Variants in STK24 observed in about 807,000 individuals in gnomAD.
The protein encoded by STK24 is serine/threonine-protein kinase 24.
STK24 carries 21 observed loss-of-function variants against 55.6 expected under a neutral mutation model. The ratio of observed to expected loss-of-function variants is 0.38; its 90% CI spans 0.27 to 0.54. STK24 has a LOEUF of 0.54. Among genes scored for constraint, STK24 ranks in the 20% least tolerant of loss-of-function variants. The probability of loss-of-function intolerance (pLI) is 0.79; values close to 1 mark genes in which losing one functional copy is unlikely to be tolerated. For missense variants in STK24, 383 were observed against 538.4 expected, an observed-to-expected ratio of 0.71 and a Z score of 2.86; for synonymous variants, 200 against 215.2, an observed-to-expected ratio of 0.93 and a Z score of 0.62.
At chr13:98,510,054 T>C (rs183259073) in intron 2 of STK24, among the ~76,000 whole-genome samples, 2 of 152,330 alleles carry the variant, frequency 1.3e-5, no homozygotes, top group East Asian at 1.9e-4. Context: ...CTAAAATATA[T>C]GTTTGAACTT....
At position 98,575,434 on chromosome 13, in the gene STK24, C is replaced by T. The variant is rs1048578080; in HGVS notation, c.42+1311G>A. Among the ~76,000 whole-genome samples the T allele has an allele frequency of 4.4e-4, 64 of 145,466 alleles. 1 individual carries two copies. The highest frequency in any genetic ancestry group is 2.9e-4 in the Non-Finnish European group (19 of 65,172). ...ACACACACACACACACACACATATACACACACACACACTTGGACTAAAATT... is the reference window on the plus strand; with the variant it reads ...ACACACACACACACACACACATATATACACACACACACTTGGACTAAAATT... On this transcript the variant is annotated intron_variant, in intron 1 of 10. Transcript: ENST00000539966.
chr13:98,457,020 G>T, intron 10 of STK24, 148 bp downstream of exon 10: 1 of 951,504 alleles, frequency 1.1e-6, no homozygotes, highest in Non-Finnish European at 1.5e-6. Flanking sequence ...TCAGAACAAA[G>T]TCTCCTCTAA....
At chr13:98,500,511 A>C (rs1404172042) in intron 2 of STK24, among the ~76,000 whole-genome samples, 4 of 152,218 alleles carry the variant, frequency 2.6e-5, no homozygotes, top group African/African-American at 9.7e-5. Flanking sequence ...CTGTAACAGA[A>C]ACCTGCTAAA....
chr13:98,520,518 G>A (rs1218657547), intron 1 of STK24, among the ~76,000 whole-genome samples: 1 of 152,222 alleles, frequency 6.6e-6, no homozygotes, highest in Non-Finnish European at 1.5e-5. Context: ...ACAAGCACAG[G>A]GAGGAGAGGG....
chr13:98,550,291 C>A (rs990793150), intron 1 of STK24, among the ~76,000 whole-genome samples: 2 of 152,196 alleles, frequency 1.3e-5, no homozygotes, highest in Admixed American at 6.5e-5. Flanking sequence ...ATAATCCCAG[C>A]ACTTTGGGAG....
chr13:98,565,609 G>A (rs1334428670), intron 1 of STK24, among the ~76,000 whole-genome samples: 2 of 146,880 alleles, frequency 1.4e-5, no homozygotes, highest in Non-Finnish European at 3.0e-5. Context: ...TCCAGTCTGG[G>A]CACGAGAATG....
chr13:98,480,820 C>G (rs914735427), intron 3 of STK24, among the ~76,000 whole-genome samples: 2 of 152,360 alleles, frequency 1.3e-5, no homozygotes, highest in Admixed American at 6.5e-5. Context: ...AACTTCTGGG[C>G]TCAAGTGATC....
At chr13:98,542,380 AAACAACAAC>A (rs200407581) in intron 1 of STK24, among the ~76,000 whole-genome samples, 1 of 151,802 alleles carries the variant, frequency 6.6e-6, no homozygotes, top group Non-Finnish European at 1.5e-5. Context: ...TCCTATGCAC[AAACAACAAC>A]AACAACAACA....
chr13:98,535,431 ACACACG>A (rs1333683276), intron 1 of STK24, among the ~76,000 whole-genome samples: 1 of 115,694 alleles, frequency 8.6e-6, no homozygotes, highest in African/African-American at 3.1e-5. Context: ...ACACACACAC[ACACACG>A]CAATGCATTC....
In STK24 at chr13:98,448,067, G is replaced by GT. The variant is rs1892967120; in HGVS notation, c.*5105dup. 6.2e-6 allele frequency: 4 copies of GT among 647,194 alleles called. No homozygotes were observed. Among genetic ancestry groups the GT allele is most frequent in the Non-Finnish European group, 8.5e-6 (3 of 354,492 alleles). 40.1% of individuals were successfully genotyped at this position (647,194 alleles called of 1,614,324 possible). A position where few individuals can be genotyped will look rare whatever the true frequency, so the allele number is the denominator to read the frequency against. Reference sequence around the variant, plus strand: ...GTGCCCAGGCCAGTGGGTCTCCACTGTACCTCAGGAACGCCTGGGTGCTGG... The same window carrying GT: ...GTGCCCAGGCCAGTGGGTCTCCACTGTTACCTCAGGAACGCCTGGGTGCTGG... On this transcript the variant is annotated 3_prime_UTR_variant, in exon 11 of 11. Transcript: ENST00000539966.
chr13:98,556,672 C>G (rs890286880), intron 1 of STK24, among the ~76,000 whole-genome samples: 3 of 152,200 alleles, frequency 2.0e-5, no homozygotes, highest in African/African-American at 7.2e-5. Flanking sequence ...AATCACCCAC[C>G]TGGGTTAAAA....
At chr13:98,561,158 G>C (rs1290531138) in intron 1 of STK24, among the ~76,000 whole-genome samples, 1 of 152,148 alleles carries the variant, frequency 6.6e-6, no homozygotes, top group South Asian at 2.1e-4. Context: ...CCACCGTGTG[G>C]GTATTCTCAC....
intron 1 of STK24, among the ~76,000 whole-genome samples, chr13:98,552,652 C>T (rs1037959968): frequency 1.3e-5 from 2 of 152,058 alleles, no homozygotes; most frequent in Non-Finnish European, 2.9e-5. Context: ...CTACCGAGGG[C>T]GCCTTGAGAA....
intron 1 of STK24, chr13:98,543,024 A>G: frequency 5.1e-6 from 5 of 985,340 alleles, no homozygotes; most frequent in Non-Finnish European, 6.0e-6. Context: ...TGGAAGGCCC[A>G]AAGACTGAAG....
At chr13:98,468,230 T>C (rs7334078) in intron 5 of STK24, among the ~76,000 whole-genome samples, 44,116 of 152,204 alleles carry the variant, frequency 0.29, 6,584 homozygotes, top group African/African-American at 0.35. Context: ...TCAGTGAAGA[T>C]GAAAAGCTGC....
intron 1 of STK24, among the ~76,000 whole-genome samples, chr13:98,544,456 A>G (rs1236834969): frequency 6.6e-6 from 1 of 152,336 alleles, no homozygotes; most frequent in African/African-American, 2.4e-5. Context: ...CAAGGGCCCT[A>G]CTGGGAGTGG....
intron 5 of STK24, among the ~76,000 whole-genome samples, chr13:98,468,761 G>A (rs1894021077): frequency 6.6e-6 from 1 of 152,230 alleles, no homozygotes; most frequent in East Asian, 1.9e-4. Context: ...TCTGGTACAA[G>A]TATACAGTGT....
intron 1 of STK24, among the ~76,000 whole-genome samples, chr13:98,555,751 G>A (rs1420780603): frequency 3.2e-5 from 4 of 124,430 alleles, no homozygotes; most frequent in South Asian, 3.0e-4. Flanking sequence ...CGCAATCTCC[G>A]CTCACTGCAA....
chr13:98,512,031 C>A (rs1300627425), intron 2 of STK24, among the ~76,000 whole-genome samples: 1 of 151,526 alleles, frequency 6.6e-6, no homozygotes, highest in African/African-American at 2.4e-5. Flanking sequence ...ACTACAGGTG[C>A]GTGCCACCAT....
Sources: allele counts gnomAD v4.1 joint callset (sites outside exome capture counted in the v4.1 genomes callset), GRCh38; gene constraint gnomAD v4.1.1; transcripts MANE v1.5; gene names NCBI Gene and HGNC (gene_info 2026-07-23, HGNC 2026-07-21).